Variants in NCOA1 observed in about 807,000 individuals in gnomAD.
NCOA1 encodes Hin-2 protein.
NCOA1 carries 35 observed loss-of-function variants against 150.9 expected under a neutral mutation model. That is an observed-to-expected ratio of 0.23 (90% confidence interval 0.18 to 0.31). The LOEUF (loss-of-function observed/expected upper bound fraction) is 0.31, where lower values mean the gene tolerates loss of function less well. Among genes scored for constraint, NCOA1 ranks in the 10% least tolerant of loss-of-function variants. NCOA1 has a pLI of 1.00. For missense variants in NCOA1, 1,491 were observed against 1,749.3 expected (o/e 0.85, Z 2.63); for synonymous variants, 590 against 630.0 (o/e 0.94, Z 0.95).
chr2:24,546,065 A>G (rs1572403605), intron 1 of NCOA1, among the ~76,000 whole-genome samples: 1 of 152,208 alleles, frequency 6.6e-6, no homozygotes, highest in Non-Finnish European at 1.5e-5. Flanking sequence ...CTGTGATTAC[A>G]GGCATGAGCC....
Position 24,710,807 on chromosome 2 carries a change from T to G in NCOA1, c.2419-124T>G, listed in dbSNP as rs1282082211. 8.8e-6 allele frequency: 8 copies of G among 914,018 alleles called. No individual in the cohort carries two copies. In the East Asian group the frequency reaches 1.8e-4, roughly 21 times the overall value. The allele number at this position is 914,018 out of a possible 1,614,324, so 56.6% of individuals were successfully genotyped here. On this transcript the variant is annotated intron_variant, in intron 13 of 22. Transcript: ENST00000348332. ...TAGCCCCAATCATTCTAATTATTTC[T>G]TCTTTCTTCATTATCTCAAAGTCAC...
intron 15 of NCOA1, 51 bp downstream of exon 15, chr2:24,726,757 C>T: frequency 1.7e-6 from 2 of 1,142,974 alleles, no homozygotes; most frequent in Non-Finnish European, 2.5e-6. Context: ...AACTTCTAAA[C>T]AGAGAACTAT....
chr2:24,624,500 A>G (rs1360503533), intron 3 of NCOA1, among the ~76,000 whole-genome samples: 1 of 152,166 alleles, frequency 6.6e-6, no homozygotes, highest in Non-Finnish European at 1.5e-5. Flanking sequence ...TGCATATTCA[A>G]TTTTCAATAG....
At chr2:24,512,306 A>G (rs998009727) in intron 1 of NCOA1, among the ~76,000 whole-genome samples, 1 of 152,178 alleles carries the variant, frequency 6.6e-6, no homozygotes, top group Non-Finnish European at 1.5e-5. Flanking sequence ...CAGAAGGAAC[A>G]GGGGTTTAGG....
In NCOA1 at chr2:24,559,800, A is replaced by G. The variant is rs532323775; in HGVS notation, c.-395-4495A>G. On this transcript the variant is annotated intron_variant, in intron 1 of 22. Transcript: ENST00000348332. ...ACCTGGCAGAGGTTCTTTTGCCTCTACCCCTCTCCTAGCAACATTGTATCT... is the reference window on the plus strand; with the variant it reads ...ACCTGGCAGAGGTTCTTTTGCCTCTGCCCCTCTCCTAGCAACATTGTATCT... Among the ~76,000 whole-genome samples the G allele has an allele frequency of 3.7e-4, 56 of 152,056 alleles. 1 individual carries two copies. In the South Asian group the frequency reaches 9.7e-3, roughly 26 times the overall value.
chr2:24,713,036 T>G (rs1280471959), intron 14 of NCOA1, among the ~76,000 whole-genome samples: 1 of 151,884 alleles, frequency 6.6e-6, no homozygotes, highest in Non-Finnish European at 1.5e-5. Context: ...CAAGACCAGC[T>G]TGATCAACAT....
intron 3 of NCOA1, among the ~76,000 whole-genome samples, chr2:24,641,893 T>C (rs913646609): frequency 1.7e-4 from 26 of 152,094 alleles, no homozygotes; most frequent in Non-Finnish European, 4.4e-5. Flanking sequence ...CAGTTTATTT[T>C]TCACCAAATT....
At chr2:24,649,059 G>A (rs1670601974) in intron 4 of NCOA1, among the ~76,000 whole-genome samples, 1 of 151,860 alleles carries the variant, frequency 6.6e-6, no homozygotes, top group Non-Finnish European at 1.5e-5. Flanking sequence ...GTAAAAAGAG[G>A]CAGACATTTA....
intron 13 of NCOA1, among the ~76,000 whole-genome samples, chr2:24,709,960 T>G (rs1407861245): frequency 6.6e-6 from 1 of 152,122 alleles, no homozygotes; most frequent in African/African-American, 2.4e-5. Context: ...TCAGTTGAAC[T>G]AGATAATGAA....
At chr2:24,586,585 C>T (rs1224981049) in intron 3 of NCOA1, among the ~76,000 whole-genome samples, 6 of 152,096 alleles carry the variant, frequency 3.9e-5, no homozygotes, top group Non-Finnish European at 7.4e-5. Context: ...AGCTCTTCCA[C>T]CTCAGCCCCA....
chr2:24,593,134 G>T (rs1371192525), intron 3 of NCOA1, among the ~76,000 whole-genome samples: 1 of 152,154 alleles, frequency 6.6e-6, no homozygotes, highest in African/African-American at 2.4e-5. Context: ...TCAAGGACTG[G>T]CTCTTGTCAG....
Position 24,762,656 on chromosome 2 carries a change from T to A in NCOA1, c.4066-31T>A. The A allele has an allele frequency of 1.9e-6, 3 of 1,587,836 alleles. No individual in the cohort carries two copies. In the South Asian group the frequency reaches 3.4e-5, roughly 18 times the overall value. ...TGGTTTTCAGTTTAAACAACTAGCTTGTAATTTGATCTTGTATTTATCTTT... is the reference window on the plus strand; with the variant it reads ...TGGTTTTCAGTTTAAACAACTAGCTAGTAATTTGATCTTGTATTTATCTTT... On this transcript the variant is annotated intron_variant, in intron 21 of 22. Coordinates refer to ENST00000348332, the MANE Select transcript of NCOA1 (RefSeq NM_003743.5).
intron 4 of NCOA1, among the ~76,000 whole-genome samples, chr2:24,647,977 A>G (rs74799262): frequency 0.017 from 2,572 of 152,278 alleles, 86 homozygotes; most frequent in East Asian, 0.074. Flanking sequence ...TTATTATTCT[A>G]TTGAGAACCC....
chr2:24,725,714 C>CGTGTGTGT (rs57720230), intron 14 of NCOA1, among the ~76,000 whole-genome samples: 59 of 148,990 alleles, frequency 4.0e-4, no homozygotes, highest in African/African-American at 1.3e-3. Flanking sequence ...CTAAAGTGTG[C>CGTGTGTGT]GTGTGTGTGT....
chr2:24,633,839 T>G (rs1352451454), intron 3 of NCOA1, among the ~76,000 whole-genome samples: 1 of 152,208 alleles, frequency 6.6e-6, no homozygotes, highest in Non-Finnish European at 1.5e-5. Context: ...TTTTGGATAT[T>G]GCCATTAGAA....
At chr2:24,627,231 T>C (rs1669467156) in intron 3 of NCOA1, among the ~76,000 whole-genome samples, 1 of 151,108 alleles carries the variant, frequency 6.6e-6, no homozygotes, top group Admixed American at 6.6e-5. Context: ...TGGTTACATG[T>C]GATATAAATT....
chr2:24,559,109 A>C (rs1462216861), intron 1 of NCOA1, among the ~76,000 whole-genome samples: 1 of 152,116 alleles, frequency 6.6e-6, no homozygotes, highest in Non-Finnish European at 1.5e-5. Context: ...ATAATTTTTC[A>C]CCTCTGATAT....
chr2:24,770,191 C>G lies in NCOA1; in HGVS notation c.*1800C>G. On this transcript the variant is annotated 3_prime_UTR_variant, in exon 23 of 23. Coordinates refer to ENST00000348332, the MANE Select transcript of NCOA1 (RefSeq NM_003743.5). ...AATGCATCCCTGATTTCATTCATTT[C>G]CAGCTTGAAAGCCAGCCATATTACT... is the stretch of plus-strand genomic sequence containing the variant. The G allele has an allele frequency of 4.3e-6, 1 of 231,684 alleles. No homozygotes were observed. Among genetic ancestry groups the G allele is most frequent in the Non-Finnish European group, 8.6e-6 (1 of 116,792 alleles). 14.4% of individuals were successfully genotyped at this position (231,684 alleles called of 1,614,324 possible). A position where few individuals can be genotyped will look rare whatever the true frequency, so the allele number is the denominator to read the frequency against.
At chr2:24,538,864 G>A (rs890392911) in intron 1 of NCOA1, among the ~76,000 whole-genome samples, 3 of 152,146 alleles carry the variant, frequency 2.0e-5, no homozygotes, top group African/African-American at 7.2e-5. Flanking sequence ...GAAAAAAAAT[G>A]TGATATAGTG....
Sources: gnomAD v4.1 joint callset for allele counts (sites outside exome capture counted in the v4.1 genomes callset) on GRCh38, gnomAD v4.1.1 for gene constraint, MANE v1.5 for transcripts, NCBI Gene and HGNC (gene_info 2026-07-23, HGNC 2026-07-21) for gene names.